LINGO2: variants seen among roughly 807,000 people sequenced by gnomAD.
LINGO2 encodes leucine-rich repeat and immunoglobulin-like domain-containing nogo receptor-interacting protein 2.
In LINGO2, 14 loss-of-function variants were observed where a neutral mutation model predicts 30.6. The observed-to-expected ratio is 0.46, with a 90% CI of 0.30 to 0.72. The LOEUF (loss-of-function observed/expected upper bound fraction) is 0.72. Ranked by LOEUF, LINGO2 falls within the 30% of genes least tolerant of loss-of-function variation. The pLI is 0.07. For synonymous variants in LINGO2, 317 were observed against 288.5 expected (o/e 1.10, Z -1.00); for missense variants, 729 against 751.7 (o/e 0.97, Z 0.35).
the LINGO2 span, among the ~76,000 whole-genome samples, chr9:28,683,869 A>G: frequency 1.3e-5 from 2 of 152,092 alleles, no homozygotes; most frequent in African/African-American, 4.8e-5. Flanking sequence ...ATATTAATGT[A>G]TTTCCTTTTC....
the LINGO2 span, among the ~76,000 whole-genome samples, chr9:28,885,352 T>TACACACACAC: frequency 5.0e-4 from 9 of 17,952 alleles, no homozygotes; most frequent in Non-Finnish European, 8.9e-4. Context: ...CAGGGAGATA[T>TACACACACAC]ATATATATAC....
At chr9:28,718,546 T>G in the LINGO2 span, among the ~76,000 whole-genome samples, 1 of 152,138 alleles carries the variant, frequency 6.6e-6, no homozygotes, top group East Asian at 1.9e-4. Context: ...CATCACAACA[T>G]AGCTTTATCT....
At chr9:28,897,929 T>C in the LINGO2 span, among the ~76,000 whole-genome samples, 1 of 152,128 alleles carries the variant, frequency 6.6e-6, no homozygotes, top group Non-Finnish European at 1.5e-5. Flanking sequence ...ACTTTTCTAA[T>C]AGTTGGATCC....
chr9:28,356,136 A>G (rs1820199686), intron 3 of LINGO2, among the ~76,000 whole-genome samples: 1 of 152,192 alleles, frequency 6.6e-6, no homozygotes, highest in African/African-American at 2.4e-5. Context: ...AAATGTCTTA[A>G]TTGTCATACA....
At chr9:28,027,382 A>G (rs953503984) in intron 4 of LINGO2, among the ~76,000 whole-genome samples, 1 of 152,224 alleles carries the variant, frequency 6.6e-6, no homozygotes, top group Non-Finnish European at 1.5e-5. Context: ...TGACTGAGGC[A>G]TAGTCCAAAT....
intron 2 of LINGO2, among the ~76,000 whole-genome samples, chr9:28,378,085 G>C (rs1248680968): frequency 1.3e-5 from 2 of 152,100 alleles, no homozygotes; most frequent in Non-Finnish European, 2.9e-5. Context: ...TGGCATCACT[G>C]GTTTACTCAG....
chr9:29,063,022 C>G, the LINGO2 span, among the ~76,000 whole-genome samples: 1 of 152,170 alleles, frequency 6.6e-6, no homozygotes, highest in Admixed American at 6.5e-5. Flanking sequence ...GCTGGCAATT[C>G]TTTTTATAAT....
At chr9:28,242,252 A>G (rs752686561) in intron 4 of LINGO2, among the ~76,000 whole-genome samples, 6 of 152,194 alleles carry the variant, frequency 3.9e-5, no homozygotes, top group Admixed American at 6.5e-5. Flanking sequence ...GGTGGTAACT[A>G]GAAGAACCAG....
chr9:29,161,555 C>T, the LINGO2 span, among the ~76,000 whole-genome samples: 205 of 152,300 alleles, frequency 1.3e-3, 1 homozygote, highest in Middle Eastern at 0.017. Flanking sequence ...CATTGGTGTA[C>T]ATCAGAAACA....
At chr9:27,943,246 A>C (rs1244752360), downstream of LINGO2, 1 of 152,192 alleles carries the variant, frequency 6.6e-6, no homozygotes, top group Non-Finnish European at 1.5e-5. Flanking sequence ...CTTTTAGAAC[A>C]GGCATAAAGT....
the LINGO2 span, among the ~76,000 whole-genome samples, chr9:28,783,761 T>C: frequency 1.3e-5 from 2 of 152,224 alleles, no homozygotes; most frequent in Admixed American, 6.5e-5. Context: ...TTCAGGCTGC[T>C]ATAACAGAGT....
At chr9:28,345,463 T>C (rs904791203) in intron 3 of LINGO2, among the ~76,000 whole-genome samples, 2 of 152,094 alleles carry the variant, frequency 1.3e-5, no homozygotes, top group Non-Finnish European at 2.9e-5. Flanking sequence ...AAATATAGGG[T>C]AACCTATTGC....
chr9:28,389,608 GC>G (rs996765249), intron 2 of LINGO2, among the ~76,000 whole-genome samples: 5 of 152,070 alleles, frequency 3.3e-5, no homozygotes, highest in Non-Finnish European at 5.9e-5. Context: ...TTCACAGTCA[GC>G]CCCACTTAGT....
At chr9:28,960,831 GA>G in the LINGO2 span, among the ~76,000 whole-genome samples, 95,939 of 149,720 alleles carry the variant, frequency 0.64, 31,601 homozygotes, top group Non-Finnish European at 0.72. Flanking sequence ...AGAAAATGTT[GA>G]AAAAAATCAA....
intron 2 of LINGO2, among the ~76,000 whole-genome samples, chr9:28,429,621 AC>A (rs1823565149): frequency 6.6e-6 from 1 of 152,102 alleles, no homozygotes; most frequent in South Asian, 2.1e-4. Flanking sequence ...ATGTCTAATG[AC>A]TCAAGGAATC....
intron 4 of LINGO2, among the ~76,000 whole-genome samples, chr9:28,120,035 G>T (rs1439669130): frequency 6.6e-6 from 1 of 152,146 alleles, no homozygotes; most frequent in Non-Finnish European, 1.5e-5. Context: ...AAAGCTATGA[G>T]CTATACTTAA....
At chr9:28,211,809 C>A (rs988029283) in intron 4 of LINGO2, among the ~76,000 whole-genome samples, 1 of 151,366 alleles carries the variant, frequency 6.6e-6, no homozygotes, top group Non-Finnish European at 1.5e-5. Flanking sequence ...GTTGTCTCCT[C>A]CTTTCTTGCT....
At chr9:28,482,483 C>G (rs1826012119) in intron 1 of LINGO2, among the ~76,000 whole-genome samples, 1 of 151,800 alleles carries the variant, frequency 6.6e-6, no homozygotes, top group Non-Finnish European at 1.5e-5. Flanking sequence ...TTGTTTTTTT[C>G]TTGTAAATTT....
At chr9:27,949,883 A>G (rs1823553849) in exon 6 of LINGO2, 2 of 1,614,090 alleles carry the variant, frequency 1.2e-6, no homozygotes, top group Non-Finnish European at 1.7e-6. Context: ...GGAAGGGTAC[A>G]GTAGACAGAT....
Sources: gnomAD v4.1 joint callset for allele counts (sites outside exome capture counted in the v4.1 genomes callset) on GRCh38, gnomAD v4.1.1 for gene constraint, MANE v1.5 for transcripts, NCBI Gene and HGNC (gene_info 2026-07-23, HGNC 2026-07-21) for gene names.